The following KIF4A variants were observed in gnomAD, a reference collection of about 807,000 sequenced individuals.
The protein encoded by KIF4A is chromosome-associated kinesin KIF4A.
In KIF4A, 7 loss-of-function variants were observed where a neutral mutation model predicts 105.9. That is an observed-to-expected ratio of 0.07 (90% CI 0.04 to 0.12). KIF4A has a LOEUF of 0.12. Among genes scored for constraint, KIF4A ranks in the 10% least tolerant of loss-of-function variants. The pLI is 1.00. For synonymous variants in KIF4A, 281 were observed against 331.3 expected, an observed-to-expected ratio of 0.85 and a Z score of 1.65; for missense variants, 558 against 929.2, an observed-to-expected ratio of 0.60 and a Z score of 5.19.
chrX:70,320,089 A>G (rs1013704008), intron 7 of KIF4A, among the ~76,000 whole-genome samples: 3 of 111,931 alleles, frequency 2.7e-5, no homozygotes, highest in African/African-American at 9.8e-5. Context: ...TTACTTTTCA[A>G]TCACTTTTGC....
At chrX:70,412,153 T>A (rs1404809006) in intron 28 of KIF4A, among the ~76,000 whole-genome samples, 2 of 112,013 alleles carry the variant, frequency 1.8e-5, no homozygotes, top group Non-Finnish European at 3.8e-5. Context: ...ACATCTGTCA[T>A]GTATGTCATG....
chrX:70,403,912 C>G lies in KIF4A; in HGVS notation c.2668C>G (p.Gln890Glu). 3.3e-6 allele frequency: 4 copies of G among 1,211,020 alleles called. No homozygotes were observed. In the African/African-American group the frequency reaches 6.9e-5, roughly 21 times the overall value. ...QVSKLESSLK[Q>E]SKTSCADMQK... ...CAGCAAACTTGAAAGCAGCCTGAAA[C>G]AGAGCAAGACCAGCTGTGCTGACAT... is the stretch of plus-strand genomic sequence containing the variant. The change falls in exon 24 of 31, where the codon CAG becomes GAG. Residue 890 changes from glutamine (Q) to glutamate (E), a missense_variant. Physicochemically the swap from Gln to Glu is conservative, Grantham distance 29 (BLOSUM62 2). Around this residue, in one of 2 missense-constraint regions of KIF4A, gnomAD observed 469 missense variants for 680.4 expected, o/e 0.69. Transcript: ENST00000374403.
chrX:70,400,533 T>C (rs1424465820), intron 22 of KIF4A, among the ~76,000 whole-genome samples: 2 of 111,394 alleles, frequency 1.8e-5, no homozygotes, highest in Admixed American at 1.9e-4. Context: ...ATTAAAATAC[T>C]CCTTTTCCCA....
At chrX:70,338,642 A>G (rs1264624785) in intron 10 of KIF4A, among the ~76,000 whole-genome samples, 1 of 111,879 alleles carries the variant, frequency 8.9e-6, no homozygotes, top group African/African-American at 3.3e-5. Context: ...ATGGGTTTTC[A>G]TGGGGTAAAT....
intron 27 of KIF4A, 118 bp from the exon 28 acceptor site, chrX:70,406,775 A>C (rs2086301795): frequency 1.3e-6 from 1 of 760,759 alleles, no homozygotes; most frequent in Non-Finnish European, 1.9e-6. Context: ...TGGATTTGAG[A>C]GAGTCTGAAA....
Position 70,420,220 on chromosome X carries a change from C to G in KIF4A, c.3654C>G (p.Thr1218=), listed in dbSNP as rs180843210. Residue 1218 remains threonine, a synonymous_variant, in exon 31 of 31, where the codon ACC becomes ACG. Transcript: ENST00000374403. ...AGAAACGGGCTCTGGCCAGCAACAC[C>G]AGCTTCTTCTCTGGCTGCTCCCCTA... The part of the protein sequence containing the change: ...KKKKRALASN[T]SFFSGCSPIE... 7 of 1,208,799 alleles carry G rather than the reference C, an allele frequency of 5.8e-6. No individual in the cohort carries two copies. In the Admixed American group the frequency reaches 1.3e-4, roughly 23 times the overall value.
chrX:70,314,695 A>C (rs2085862984), intron 7 of KIF4A, among the ~76,000 whole-genome samples: 1 of 111,673 alleles, frequency 9.0e-6, no homozygotes, highest in African/African-American at 3.3e-5. Flanking sequence ...GTAAATATTA[A>C]ATAATATTAG....
chrX:70,298,754 A>G (rs1183020248), intron 4 of KIF4A, among the ~76,000 whole-genome samples: 1 of 112,339 alleles, frequency 8.9e-6, no homozygotes, highest in Non-Finnish European at 1.9e-5. Flanking sequence ...CCATCTATGT[A>G]CCTGTTATTC....
At chrX:70,384,876 G>A (rs1334778426) in intron 18 of KIF4A, among the ~76,000 whole-genome samples, 2 of 107,438 alleles carry the variant, frequency 1.9e-5, no homozygotes, top group Non-Finnish European at 3.8e-5. Context: ...GAGTACAATG[G>A]CACCATCTTG....
At chrX:70,400,768 T>C (rs189971401) in intron 22 of KIF4A, among the ~76,000 whole-genome samples, 1 of 111,329 alleles carries the variant, frequency 9.0e-6, no homozygotes, top group African/African-American at 3.3e-5. Context: ...TTTATGTTTT[T>C]TTTTTGTTTT....
intron 28 of KIF4A, among the ~76,000 whole-genome samples, chrX:70,412,518 T>C (rs1380133445): frequency 1.8e-5 from 2 of 111,827 alleles, no homozygotes; most frequent in Non-Finnish European, 1.9e-5. Context: ...ATCACTGTCA[T>C]CCTGGTGAAG....
intron 18 of KIF4A, among the ~76,000 whole-genome samples, chrX:70,384,921 T>C (rs1285726871): frequency 9.3e-6 from 1 of 107,087 alleles, no homozygotes; most frequent in African/African-American, 3.4e-5. Flanking sequence ...GGTTCAAGCC[T>C]CCTGAGTAGC....
At chrX:70,318,488 G>A (rs1197107080) in intron 7 of KIF4A, among the ~76,000 whole-genome samples, 3 of 111,547 alleles carry the variant, frequency 2.7e-5, no homozygotes, top group African/African-American at 9.8e-5. Flanking sequence ...GAACCTTCTT[G>A]TTTGTGTATC....
chrX:70,302,261 G>C, intron 6 of KIF4A, 43 bp from the exon 7 acceptor site: 2 of 1,188,369 alleles, frequency 1.7e-6, no homozygotes, highest in South Asian at 3.7e-5. Context: ...TTACTCTCAA[G>C]CTTGTGTACC....
intron 13 of KIF4A, among the ~76,000 whole-genome samples, chrX:70,344,837 A>G (rs1183600945): frequency 1.8e-5 from 2 of 112,064 alleles, no homozygotes; most frequent in African/African-American, 6.5e-5. Flanking sequence ...AATTATCCAC[A>G]CATAGATTTA....
intron 7 of KIF4A, among the ~76,000 whole-genome samples, chrX:70,308,829 C>T (rs752143946): frequency 9.8e-5 from 11 of 112,035 alleles, no homozygotes; most frequent in East Asian, 2.8e-4. Context: ...AGGCTGGTCT[C>T]GAACTCCTGA....
intron 11 of KIF4A, 98 bp downstream of exon 11, chrX:70,342,029 T>C: frequency 8.6e-6 from 9 of 1,048,518 alleles, no homozygotes; most frequent in South Asian, 7.2e-5. Context: ...ACAGGTTATA[T>C]TGAAAGAAAT....
chrX:70,339,590 GAAAT>G (rs768617282), intron 10 of KIF4A, among the ~76,000 whole-genome samples: 2 of 112,698 alleles, frequency 1.8e-5, no homozygotes, highest in African/African-American at 3.2e-5. Flanking sequence ...ATTTTACAGA[GAAAT>G]AAAGATGCTC....
rs749399987 is a variant in KIF4A at position 70,315,682 on chromosome X, G to A, written c.778+13284G>A. ...GGTTTCTGCCCATGAGCTAGCAGGC[G>A]TATTGCCAGTCAGCTTGTCAAACCC... On this transcript the variant is annotated intron_variant, in intron 7 of 30. Transcript: ENST00000374403. 6.3e-5 allele frequency among the ~76,000 whole-genome samples: 7 copies of A among 111,834 alleles called. No homozygotes were observed. In the South Asian group the frequency reaches 2.3e-3, roughly 36 times the overall value.
Sources: gnomAD v4.1 joint callset for allele counts (sites outside exome capture counted in the v4.1 genomes callset) on GRCh38, gnomAD v4.1.1 for gene constraint, gnomAD v4.1.1 regional missense constraint, MANE v1.5 for transcripts, NCBI Gene and HGNC (gene_info 2026-07-23, HGNC 2026-07-21) for gene names.